The following SIDT1 variants were observed in gnomAD, a reference collection of about 807,000 sequenced individuals.
SIDT1 encodes the protein SID1 transmembrane family, member 1.
Under a neutral mutation model 107.5 loss-of-function variants are expected in SIDT1, and 101 were observed. That is an observed-to-expected ratio of 0.94 (90% CI 0.80 to 1.11). SIDT1 has a LOEUF of 1.11. Among genes scored for constraint, SIDT1 ranks in the 50% least tolerant of loss-of-function variants. The pLI, the probability that SIDT1 is intolerant of heterozygous loss-of-function variation, is 0.00. For synonymous variants in SIDT1, 395 were observed against 398.2 expected (o/e 0.99, Z 0.10); for missense variants, 1,076 against 1,058.2 (o/e 1.02, Z -0.23).
At chr3:113,559,865 C>T (rs1003750859) in intron 1 of SIDT1, among the ~76,000 whole-genome samples, 1 of 152,114 alleles carries the variant, frequency 6.6e-6, no homozygotes. Context: ...CATGTACAAA[C>T]ATCCCTAGTC....
intron 1 of SIDT1, among the ~76,000 whole-genome samples, chr3:113,550,501 A>G (rs1318439627): frequency 6.6e-6 from 1 of 152,144 alleles, no homozygotes; most frequent in Non-Finnish European, 1.5e-5. Flanking sequence ...CAGTCAGTAT[A>G]TATTTGTATT....
rs1239291460 is a variant in SIDT1 at position 113,629,328 on chromosome 3, A to G, written c.*1620A>G. On this transcript the variant is annotated 3_prime_UTR_variant, in exon 25 of 25. Transcript: ENST00000264852. ...TATTCTTTAAGCAGTGTTGGCTTCCATTGACCATATGAAGGCCACCAATTA... is the reference window on the plus strand; with the variant it reads ...TATTCTTTAAGCAGTGTTGGCTTCCGTTGACCATATGAAGGCCACCAATTA... 6.6e-6 allele frequency: 1 copy of G among 152,160 alleles called. No homozygotes were observed. Among genetic ancestry groups the G allele is most frequent in the Non-Finnish European group, 1.5e-5 (1 of 68,022 alleles). 9.4% of individuals were successfully genotyped at this position (152,160 alleles called of 1,614,324 possible).
Position 113,583,426 on chromosome 3 carries a change from C to T in SIDT1, c.765C>T (p.Gly255=), listed in dbSNP as rs921063717. The change falls in exon 7 of 25, where the codon GGC becomes GGT. Residue 255 remains glycine (G), a synonymous_variant. Transcript: ENST00000264852. The stretch of plus-strand genomic sequence containing the variant: ...TTATGCAGAAGAAGGATTTTCCAGG[C>T]GAGCAGTTCTTCGTGGTATTTGTGA... ...AITLQKKDFP[G]EQFFVVFVIK... 3.3e-5 allele frequency: 53 copies of T among 1,597,418 alleles called. No individual in the cohort carries two copies. The highest frequency in any genetic ancestry group is 1.7e-4 in the Middle Eastern group (1 of 6,012).
chr3:113,570,339 C>T (rs553992031), intron 3 of SIDT1, among the ~76,000 whole-genome samples: 1 of 152,222 alleles, frequency 6.6e-6, no homozygotes, highest in Non-Finnish European at 1.5e-5. Context: ...TGCAGAGAAG[C>T]CTTGCCTTTA....
At chr3:113,578,624 T>A (rs1388317398) in intron 4 of SIDT1, among the ~76,000 whole-genome samples, 1 of 151,802 alleles carries the variant, frequency 6.6e-6, no homozygotes, top group Non-Finnish European at 1.5e-5. Flanking sequence ...GAGGCAGAAG[T>A]ATTGCTTGAG....
chr3:113,567,907 T>C, intron 3 of SIDT1, 197 bp downstream of exon 3: 1 of 515,936 alleles, frequency 1.9e-6, no homozygotes, highest in South Asian at 3.2e-5. Context: ...GTGCAGAAGG[T>C]AAGAGTGGTT....
chr3:113,532,940 C>T lies in SIDT1; in HGVS notation c.-82C>T. On this transcript the variant is annotated 5_prime_UTR_variant, in exon 1 of 25. Coordinates refer to ENST00000264852, the MANE Select transcript of SIDT1 (RefSeq NM_017699.3). ...GCTCTGAAGCGGACGCCTGGCCCTG[C>T]ACCGGGCTTTGGAAGGACCCTCTCT... 1 of 994,128 alleles carries T rather than the reference C, an allele frequency of 1.0e-6. No individual in the cohort carries two copies. Among genetic ancestry groups the T allele is most frequent in the Non-Finnish European group, 1.3e-6 (1 of 748,986 alleles). 61.6% of individuals were successfully genotyped at this position (994,128 alleles called of 1,614,324 possible).
At chr3:113,562,474 C>T (rs1233949154) in intron 1 of SIDT1, among the ~76,000 whole-genome samples, 2 of 152,150 alleles carry the variant, frequency 1.3e-5, no homozygotes, top group African/African-American at 4.8e-5. Flanking sequence ...CCCAAATGTC[C>T]ATCAACTGAA....
chr3:113,591,718 G>A (rs571373261), intron 9 of SIDT1, among the ~76,000 whole-genome samples: 31 of 152,188 alleles, frequency 2.0e-4, no homozygotes, highest in Non-Finnish European at 3.8e-4. Flanking sequence ...TTGCTGTGCA[G>A]CCACTGTGGA....
chr3:113,571,160 G>A (rs76169370), intron 3 of SIDT1, among the ~76,000 whole-genome samples: 3,190 of 152,246 alleles, frequency 0.021, 65 homozygotes, highest in African/African-American at 0.055. Context: ...AGTGGCTCCC[G>A]CCTGTAATTC....
rs1939107590 is a variant in SIDT1, at chr3:113,542,940, T to TG, written c.222+9697_222+9698insG. On this transcript the variant is annotated intron_variant, in intron 1 of 24. Coordinates refer to ENST00000264852, the MANE Select transcript of SIDT1 (RefSeq NM_017699.3). ...TGTGTGTGTGTGTGTGTGTGTGTGT[T>TG]TGTTTGTTTGTTTGTTTTTCAGATG... Among the ~76,000 whole-genome samples, 112 of 125,808 alleles carry TG rather than the reference T, an allele frequency of 8.9e-4. No individual in the cohort carries two copies. In the East Asian group the frequency reaches 0.022, roughly 24 times the overall value. The allele number at this position is 125,808 out of a possible 152,430, so 82.5% of individuals were successfully genotyped here.
intron 19 of SIDT1, 168 bp downstream of exon 19, chr3:113,612,362 C>G (rs748871291): frequency 1.6e-5 from 11 of 680,350 alleles, no homozygotes; most frequent in Non-Finnish European, 3.0e-5. Flanking sequence ...CTTCCTCTCC[C>G]TTATAGGATA....
Position 113,615,549 on chromosome 3 carries a change from A to C in SIDT1, c.1967-551A>C, listed in dbSNP as rs540456511. On this transcript the variant is annotated intron_variant, in intron 19 of 24. Coordinates refer to ENST00000264852, the MANE Select transcript of SIDT1 (RefSeq NM_017699.3). The stretch of plus-strand genomic sequence containing the variant: ...AAAACTTTCCTGTCTTTTTCTCCCC[A>C]TCTTAACTTACCTTCACTTGATGAT... Among the ~76,000 whole-genome samples the C allele has an allele frequency of 7.2e-5, 11 of 152,254 alleles. No individual in the cohort carries two copies. In the South Asian group the frequency reaches 2.1e-3, roughly 29 times the overall value.
intron 20 of SIDT1, 59 bp from the exon 21 acceptor site, chr3:113,619,621 G>T: frequency 1.4e-6 from 2 of 1,472,498 alleles, no homozygotes; most frequent in Non-Finnish European, 9.5e-7. Flanking sequence ...TACACAGTAG[G>T]TTAAAAGAAA....
At position 113,619,652 on chromosome 3, in the gene SIDT1, A is replaced by G; in HGVS notation, c.2044-28A>G. The G allele has an allele frequency of 1.2e-6, 2 of 1,610,298 alleles. 1 individual carries two copies. On this transcript the variant is annotated intron_variant, in intron 20 of 24. Transcript: ENST00000264852. ...AGAAAAGTAGGCTGTGCAGCCTCTC[A>G]TTTGATGTTTTCTTTCCTCTTTTCC...
chr3:113,621,186 C>T (rs1336724106), intron 21 of SIDT1, among the ~76,000 whole-genome samples: 1 of 152,104 alleles, frequency 6.6e-6, no homozygotes, highest in East Asian at 1.9e-4. Flanking sequence ...GAGAAAATGA[C>T]AAAGCAAATG....
chr3:113,565,642 T>C (rs915644274), intron 1 of SIDT1, among the ~76,000 whole-genome samples: 3 of 152,216 alleles, frequency 2.0e-5, no homozygotes, highest in East Asian at 1.9e-4. Flanking sequence ...TGGGTTGATA[T>C]GTGTGTATTC....
At chr3:113,605,124 C>CTTTTCTT (rs1553805313) in intron 14 of SIDT1, 148 bp downstream of exon 14, 9 of 347,056 alleles carry the variant, frequency 2.6e-5, no homozygotes, top group African/African-American at 2.3e-4. Context: ...ATTGCTTCCT[C>CTTTTCTT]TTTTTTTTTT....
intron 17 of SIDT1, 74 bp from the exon 18 acceptor site, chr3:113,610,934 G>T: frequency 6.5e-7 from 1 of 1,548,832 alleles, no homozygotes; most frequent in African/African-American, 1.4e-5. Flanking sequence ...AGAGTCTGAA[G>T]AAAAATCTAG....
Sources: gnomAD v4.1 joint callset for allele counts (sites outside exome capture counted in the v4.1 genomes callset) on GRCh38, gnomAD v4.1.1 for gene constraint, MANE v1.5 for transcripts, NCBI Gene and HGNC (gene_info 2026-07-23, HGNC 2026-07-21) for gene names.